AGPAT4: variants seen among roughly 807,000 people sequenced by gnomAD.
AGPAT4 encodes the protein 1-acylglycerol-3-phosphate O-acyltransferase 4.
AGPAT4 carries 15 observed loss-of-function variants against 48.0 expected under a neutral mutation model. The observed-to-expected ratio is 0.31, with a 90% CI of 0.21 to 0.48. AGPAT4 has a LOEUF of 0.48. Among genes scored for constraint, AGPAT4 ranks in the 20% least tolerant of loss-of-function variants. The probability of loss-of-function intolerance (pLI) is 0.99; values close to 1 mark genes in which losing one functional copy is unlikely to be tolerated. For missense variants in AGPAT4, 314 were observed against 482.5 expected, an observed-to-expected ratio of 0.65 and a Z score of 3.27; for synonymous variants, 178 against 198.7, an observed-to-expected ratio of 0.90 and a Z score of 0.88.
Position 161,153,511 on chromosome 6 carries a change from G to A in AGPAT4, c.511-12C>T. On this transcript the variant is annotated splice_polypyrimidine_tract_variant and intron_variant, in intron 4 of 8. Transcript: ENST00000320285. Reference sequence around the variant, plus strand: ...CAGTGAATCAGGAACTGGAAGGAAGGAGGCAGGAGTCGCACGCAGCCTCGG... The same window carrying A: ...CAGTGAATCAGGAACTGGAAGGAAGAAGGCAGGAGTCGCACGCAGCCTCGG... 2 of 1,613,078 alleles carry A rather than the reference G, an allele frequency of 1.2e-6. No individual in the cohort carries two copies. Among genetic ancestry groups the A allele is most frequent in the East Asian group, 2.2e-5 (1 of 44,874 alleles).
rs140292470 is a variant in AGPAT4, at chr6:161,214,531, C to G, written c.178+17505G>C. Among the ~76,000 whole-genome samples, 5,711 of 152,106 alleles carry G rather than the reference C, an allele frequency of 0.038. 330 individuals carry two copies. The highest frequency in any genetic ancestry group is 0.13 in the African/African-American group (5,234 of 41,510). ...CTGTAATCCCAGCCCTTTGGGAGGT[C>G]AAGGCAGGCGGATCAATTGAAGTCA... On this transcript the variant is annotated intron_variant, in intron 2 of 8. Transcript: ENST00000320285. The surrounding 1 kb of genome is among the most constrained non-coding windows in gnomAD (Gnocchi z 5.4).
At position 161,130,670 on chromosome 6, in the gene AGPAT4, A is replaced by G; in HGVS notation, c.*5870T>C. 3.4e-6 allele frequency: 1 copy of G among 296,574 alleles called. No individual in the cohort carries two copies. Among genetic ancestry groups the G allele is most frequent in the Admixed American group, 3.9e-5 (1 of 25,626 alleles). The allele number at this position is 296,574 out of a possible 1,614,324, so 18.4% of individuals were successfully genotyped here. A position where few individuals can be genotyped will look rare whatever the true frequency, so the allele number is the denominator to read the frequency against. On this transcript the variant is annotated 3_prime_UTR_variant, in exon 9 of 9. Transcript: ENST00000320285. ...AAGAGGGGCTGATCCATCTCCCGTG[A>G]ACATCTGTTGACTGTGGGCGGCCTG...
Position 161,219,446 on chromosome 6 carries a change from G to A in AGPAT4, c.178+12590C>T, listed in dbSNP as rs1781743329. On this transcript the variant is annotated intron_variant, in intron 2 of 8. Transcript: ENST00000320285. The surrounding 1 kb of genome is among the most constrained non-coding windows in gnomAD (Gnocchi z 4.9). ...GGTTTGTTTTTTCTATACCCCAATG[G>A]CTTGTCTTGTTTACCTCCTGGAAAT... is the stretch of plus-strand genomic sequence containing the variant. 6.6e-6 allele frequency among the ~76,000 whole-genome samples: 1 copy of A among 151,456 alleles called. No homozygotes were observed. Among genetic ancestry groups the A allele is most frequent in the South Asian group, 2.1e-4 (1 of 4,790 alleles).
At position 161,144,521 on chromosome 6, in the gene AGPAT4, C is replaced by G. The variant is rs1038687055; in HGVS notation, c.843+2003G>C. On this transcript the variant is annotated intron_variant, in intron 7 of 8. Transcript: ENST00000320285. The surrounding 1 kb of genome is among the most constrained non-coding windows in gnomAD (Gnocchi z 6.6). ...CCTCTCAGCTTGGTTTACACGATGA[C>G]CACACTCTGCCTGAATACAGGGGAG... Among the ~76,000 whole-genome samples the G allele has an allele frequency of 3.9e-5, 6 of 152,104 alleles. No individual in the cohort carries two copies. The highest frequency in any genetic ancestry group is 7.4e-5 in the Non-Finnish European group (5 of 68,016).
chr6:161,164,697 A>T lies in AGPAT4; in HGVS notation c.348+1551T>A, dbSNP rs1195338252. On this transcript the variant is annotated intron_variant, in intron 3 of 8. Transcript: ENST00000320285. This position sits in a 1 kb window ranked among gnomAD's most constrained non-coding sequence, Gnocchi z 7.4. ...AATAATATCCTAAGGATTAGAAATT[A>T]CGGAAATAAGGTGAACAGCACACGG... Among the ~76,000 whole-genome samples the T allele has an allele frequency of 6.6e-6, 1 of 152,216 alleles. No homozygotes were observed. Among genetic ancestry groups the T allele is most frequent in the African/African-American group, 2.4e-5 (1 of 41,454 alleles).
chr6:161,180,772 G>A lies in AGPAT4; in HGVS notation c.179-14355C>T, dbSNP rs905268906. Reference sequence around the variant, plus strand: ...CATAAGGAGGCTTGGGAGACAGGACGGTGCCTTCACACTCACAACACCCTC... The same window carrying A: ...CATAAGGAGGCTTGGGAGACAGGACAGTGCCTTCACACTCACAACACCCTC... On this transcript the variant is annotated intron_variant, in intron 2 of 8. Coordinates refer to ENST00000320285, the MANE Select transcript of AGPAT4 (RefSeq NM_020133.3). This position sits in a 1 kb window ranked among gnomAD's most constrained non-coding sequence, Gnocchi z 6.4. Among the ~76,000 whole-genome samples the A allele has an allele frequency of 5.9e-5, 9 of 152,042 alleles. No individual in the cohort carries two copies. Among genetic ancestry groups the A allele is most frequent in the Admixed American group, 4.6e-4 (7 of 15,278 alleles).
intron 2 of AGPAT4, among the ~76,000 whole-genome samples, chr6:161,173,214 G>A (rs1224024168): frequency 6.6e-5 from 10 of 152,220 alleles, no homozygotes; most frequent in Admixed American, 5.2e-4. Flanking sequence ...TTGAGGAATC[G>A]CCACACTGTC....
chr6:161,207,603 G>A (rs1419642765), intron 2 of AGPAT4, among the ~76,000 whole-genome samples: 1 of 152,226 alleles, frequency 6.6e-6, no homozygotes, highest in Admixed American at 6.5e-5. Context: ...TCCACTTCCA[G>A]TGAATGGGGA....
In AGPAT4 at chr6:161,266,558, A is replaced by G. The variant is rs149480993; in HGVS notation, c.-90+7380T>C. On this transcript the variant is annotated intron_variant, in intron 1 of 8. Coordinates refer to ENST00000320285, the MANE Select transcript of AGPAT4 (RefSeq NM_020133.3). This position sits in a 1 kb window ranked among gnomAD's most constrained non-coding sequence, Gnocchi z 6.2. ...CGTCAGGAAAGCAGAGGCTGGAGGC[A>G]GATGCTAGAAATGGACTCACAGGCA... Among the ~76,000 whole-genome samples the G allele has an allele frequency of 1.4e-3, 218 of 152,296 alleles. 1 individual carries two copies. Among genetic ancestry groups the G allele is most frequent in the Non-Finnish European group, 2.4e-3 (162 of 68,032 alleles).
At chr6:161,241,734 T>C (rs1782497515) in intron 1 of AGPAT4, among the ~76,000 whole-genome samples, 1 of 152,220 alleles carries the variant, frequency 6.6e-6, no homozygotes, top group Non-Finnish European at 1.5e-5. Context: ...AAAATGTTTT[T>C]GTTTTTGTTT....
intron 2 of AGPAT4, among the ~76,000 whole-genome samples, chr6:161,194,591 T>C (rs967412605): frequency 7.8e-6 from 1 of 127,402 alleles, no homozygotes; most frequent in Non-Finnish European, 1.5e-5. Context: ...TATATGTGTA[T>C]GTATGTATGT....
At position 161,225,274 on chromosome 6, in the gene AGPAT4, A is replaced by C. The variant is rs1385214679; in HGVS notation, c.178+6762T>G. Among the ~76,000 whole-genome samples the C allele has an allele frequency of 2.0e-5, 3 of 152,130 alleles. No individual in the cohort carries two copies. Among genetic ancestry groups the C allele is most frequent in the Non-Finnish European group, 4.4e-5 (3 of 68,030 alleles). On this transcript the variant is annotated intron_variant, in intron 2 of 8. Coordinates refer to ENST00000320285, the MANE Select transcript of AGPAT4 (RefSeq NM_020133.3). This position sits in a 1 kb window ranked among gnomAD's most constrained non-coding sequence, Gnocchi z 5.0. ...CCCGTCACTCTCTTTAAATTAGCCA[A>C]TCAGAATTAGTTTAACCTGTGCAGT...
At chr6:161,163,262 G>A (rs548077265) in intron 3 of AGPAT4, among the ~76,000 whole-genome samples, 2 of 152,350 alleles carry the variant, frequency 1.3e-5, no homozygotes, top group South Asian at 4.1e-4. Context: ...CTTGGACTGT[G>A]ATAGGTGAGG....
At chr6:161,168,131 G>A (rs894093364) in intron 2 of AGPAT4, among the ~76,000 whole-genome samples, 3 of 151,732 alleles carry the variant, frequency 2.0e-5, no homozygotes, top group African/African-American at 7.3e-5. Flanking sequence ...CGGTGGTGGG[G>A]TGGGGGGCTA....
chr6:161,190,927 T>C (rs956295640), intron 2 of AGPAT4, among the ~76,000 whole-genome samples: 5 of 152,212 alleles, frequency 3.3e-5, no homozygotes, highest in African/African-American at 9.7e-5. Flanking sequence ...CCAATAAATA[T>C]ATCCAGATGT....
Position 161,177,435 on chromosome 6 carries a change from G to A in AGPAT4, c.179-11018C>T, listed in dbSNP as rs371617142. 2.8e-4 allele frequency among the ~76,000 whole-genome samples: 43 copies of A among 152,100 alleles called. No homozygotes were observed. In the East Asian group the frequency reaches 6.9e-3, roughly 25 times the overall value. On this transcript the variant is annotated intron_variant, in intron 2 of 8. Coordinates refer to ENST00000320285, the MANE Select transcript of AGPAT4 (RefSeq NM_020133.3). The surrounding 1 kb of genome is among the most constrained non-coding windows in gnomAD (Gnocchi z 5.0). ...ATCGTTTCTTCCACTTGATCGAATCGGCCACTGAAACTTGTGCATGTGTCA... is the reference window on the plus strand; with the variant it reads ...ATCGTTTCTTCCACTTGATCGAATCAGCCACTGAAACTTGTGCATGTGTCA...
chr6:161,146,555 G>A lies in AGPAT4; in HGVS notation c.812C>T (p.Ser271Leu). 1.2e-6 allele frequency: 2 copies of A among 1,614,068 alleles called. No homozygotes were observed. The highest frequency in any genetic ancestry group is 1.7e-6 in the Non-Finnish European group (2 of 1,180,036). Residue 271 changes from serine (S) to leucine (L), a missense_variant, in exon 7 of 9, where the codon TCG becomes TTG. Transcript: ENST00000320285. This position sits in a 1 kb window ranked among gnomAD's most constrained non-coding sequence, Gnocchi z 7.1. ...CTGGTAGAGCTTGTGCAGCCAGGCC[G>A]AGCACTCGTCATCGTCTTCAGGGAT... Reference protein sequence around the residue: ...EDIPEDDDECSAWLHKLYQEK... With the variant: ...EDIPEDDDECLAWLHKLYQEK...
intron 2 of AGPAT4, among the ~76,000 whole-genome samples, chr6:161,183,503 C>T (rs898479766): frequency 6.6e-6 from 1 of 150,864 alleles, no homozygotes; most frequent in Admixed American, 6.6e-5. Flanking sequence ...GCCTGTAATC[C>T]CAGCTACTCA....
At position 161,271,406 on chromosome 6, in the gene AGPAT4, T is replaced by G. The variant is rs1582926842; in HGVS notation, c.-90+2532A>C. Among the ~76,000 whole-genome samples, 2 of 152,218 alleles carry G rather than the reference T, an allele frequency of 1.3e-5. 1 individual carries two copies. Among genetic ancestry groups the G allele is most frequent in the South Asian group, 4.1e-4 (2 of 4,828 alleles). On this transcript the variant is annotated intron_variant, in intron 1 of 8. Transcript: ENST00000320285. ...TTCCTTCCAGCTGGGTGCTCTGCTC[T>G]TCTTTTCGCCACCCGTTTGGTGGAT...
Sources: allele counts gnomAD v4.1 joint callset (sites outside exome capture counted in the v4.1 genomes callset), GRCh38; gene constraint gnomAD v4.1.1; non-coding constraint Gnocchi (gnomAD v3.1); transcripts MANE v1.5; gene names NCBI Gene and HGNC (gene_info 2026-07-23, HGNC 2026-07-21).